The following LINC01488 variants were observed in gnomAD, a reference collection of about 807,000 sequenced individuals.
LINC01488 encodes CCND1-upstream intergenic DNA repair 1.
chr11:69,481,856 T>A (rs953566369), intron 1 of LINC01488: 10 of 152,134 alleles, frequency 6.6e-5, no homozygotes, highest in South Asian at 2.1e-4. Context: ...GATGGATGGA[T>A]GGATGGATGA....
At chr11:69,489,975 A>G (rs78723540) in intron 1 of LINC01488, among the ~76,000 whole-genome samples, 23,096 of 152,144 alleles carry the variant, frequency 0.15, 2,103 homozygotes, top group Admixed American at 0.24. Flanking sequence ...CATGCACCTG[A>G]GTCAGCTCCT....
chr11:69,490,070 G>A (rs1857194251), intron 1 of LINC01488, among the ~76,000 whole-genome samples: 1 of 152,198 alleles, frequency 6.6e-6, no homozygotes, highest in Non-Finnish European at 1.5e-5. Flanking sequence ...TTTTGTTGGA[G>A]GAGCCCTTGG....
At chr11:69,482,337 A>T (rs1428215536) in intron 1 of LINC01488, among the ~76,000 whole-genome samples, 1 of 151,978 alleles carries the variant, frequency 6.6e-6, no homozygotes, top group Admixed American at 6.6e-5. Context: ...CCCTGGACAC[A>T]TGGGGATTAT....
At chr11:69,489,128 G>A (rs1414457003) in intron 1 of LINC01488, among the ~76,000 whole-genome samples, 3 of 152,152 alleles carry the variant, frequency 2.0e-5, no homozygotes, top group South Asian at 2.1e-4. Flanking sequence ...AACGCCCCTC[G>A]GATTGGGGGG....
intron 1 of LINC01488, among the ~76,000 whole-genome samples, chr11:69,486,749 G>T (rs997598980): frequency 6.6e-6 from 1 of 152,174 alleles, no homozygotes; most frequent in Non-Finnish European, 1.5e-5. Context: ...AGCTCCATAA[G>T]CCCCCGCGAT....
At chr11:69,486,272 G>C (rs952195406) in intron 1 of LINC01488, 1 of 152,260 alleles carries the variant, frequency 6.6e-6, no homozygotes, top group African/African-American at 2.4e-5. Flanking sequence ...GCCCGTGGAG[G>C]GGTCTGTGCC....
At chr11:69,491,775 G>C (rs1344254046) in intron 3 of LINC01488, 2 of 152,596 alleles carry the variant, frequency 1.3e-5, no homozygotes, top group African/African-American at 4.8e-5. Flanking sequence ...CTGCCCCATG[G>C]CGCTGCTTCA....
intron 1 of LINC01488, among the ~76,000 whole-genome samples, chr11:69,483,818 G>A (rs768406636): frequency 1.3e-5 from 2 of 151,690 alleles, no homozygotes; most frequent in African/African-American, 2.4e-5. Flanking sequence ...ACCAAGGCCC[G>A]GGCCGGCCCG....
intron 1 of LINC01488, among the ~76,000 whole-genome samples, chr11:69,483,633 G>A (rs1857069408): frequency 6.6e-6 from 1 of 152,182 alleles, no homozygotes; most frequent in South Asian, 2.1e-4. Context: ...AGGCTGCTGT[G>A]GTCAGGCCCA....
chr11:69,484,742 G>A (rs953971138), intron 1 of LINC01488, among the ~76,000 whole-genome samples: 6 of 152,232 alleles, frequency 3.9e-5, no homozygotes, highest in African/African-American at 1.2e-4. Context: ...ATGGGTGGCC[G>A]TGGGCAGGTT....
At chr11:69,490,660 G>A (rs930872840) in intron 2 of LINC01488, 6 of 152,314 alleles carry the variant, frequency 3.9e-5, no homozygotes, top group African/African-American at 7.2e-5. Context: ...GAGTCCAGAC[G>A]TCTCAGGCAG....
At chr11:69,482,513 T>G (rs1857058164) in intron 1 of LINC01488, among the ~76,000 whole-genome samples, 1 of 151,518 alleles carries the variant, frequency 6.6e-6, no homozygotes, top group East Asian at 2.0e-4. Context: ...GATGAGTGGA[T>G]GGACGGATGG....
intron 1 of LINC01488, among the ~76,000 whole-genome samples, chr11:69,489,480 C>G (rs147382252): frequency 6.6e-6 from 1 of 152,226 alleles, no homozygotes; most frequent in Non-Finnish European, 1.5e-5. Flanking sequence ...ACCTCCAGCG[C>G]GAAATCACTA....
intron 1 of LINC01488, among the ~76,000 whole-genome samples, chr11:69,488,702 C>T (rs1352720269): frequency 4.6e-5 from 7 of 152,242 alleles, no homozygotes; most frequent in Non-Finnish European, 7.3e-5. Flanking sequence ...TGGGTGCAGA[C>T]ACACAGTGGC....
intron 1 of LINC01488, among the ~76,000 whole-genome samples, chr11:69,486,316 T>G (rs1857116400): frequency 6.6e-6 from 1 of 151,926 alleles, no homozygotes; most frequent in Admixed American, 6.6e-5. Flanking sequence ...CCCTAGATAT[T>G]AGCTAGCTGT....
At chr11:69,490,436 C>T (rs1857202207) in intron 1 of LINC01488, 1 of 152,294 alleles carries the variant, frequency 6.6e-6, no homozygotes, top group Non-Finnish European at 1.5e-5. Flanking sequence ...TCCTATGGCT[C>T]CCCAGTGCCT....
At chr11:69,488,040 C>G (rs1004348779) in intron 1 of LINC01488, 1 of 152,416 alleles carries the variant, frequency 6.6e-6, no homozygotes, top group African/African-American at 2.4e-5. Context: ...AGCCCAGTGG[C>G]AGGAAGAGGG....
At position 69,486,521 on chromosome 11, in the gene LINC01488, A is replaced by T. The variant is rs1857122580; in HGVS notation, n.123-3974A>T. ...GCCGCAAGGGGCCCGTGGGCCCAGGAACGCTCAGAACTGAGCTTGCTCCAG... is the reference window on the plus strand; with the variant it reads ...GCCGCAAGGGGCCCGTGGGCCCAGGTACGCTCAGAACTGAGCTTGCTCCAG... On this transcript the variant is annotated intron_variant and non_coding_transcript_variant, in intron 1 of 3. Transcript: ENST00000644563. Among the ~76,000 whole-genome samples, 7 of 152,222 alleles carry T rather than the reference A, an allele frequency of 4.6e-5. No individual in the cohort carries two copies. In the South Asian group the frequency reaches 1.4e-3, roughly 32 times the overall value.
chr11:69,483,573 A>G (rs1857068004), intron 1 of LINC01488, among the ~76,000 whole-genome samples: 1 of 152,138 alleles, frequency 6.6e-6, no homozygotes, highest in Non-Finnish European at 1.5e-5. Flanking sequence ...CAGCGTCGGG[A>G]CTTGTCTGTG....
Sources: allele counts gnomAD v4.1 joint callset (sites outside exome capture counted in the v4.1 genomes callset), GRCh38; gene constraint gnomAD v4.1.1; transcripts MANE v1.5; gene names NCBI Gene and HGNC (gene_info 2026-07-23, HGNC 2026-07-21).